SLC27A6: variants seen among roughly 807,000 people sequenced by gnomAD.
The protein encoded by SLC27A6 is long-chain fatty acid transport protein 6.
A neutral mutation model predicts 63.9 loss-of-function variants in SLC27A6; 74 were observed. The observed-to-expected ratio is 1.16, with a 90% CI of 0.96 to 1.40. The LOEUF (loss-of-function observed/expected upper bound fraction) is 1.40. Ranked by LOEUF, SLC27A6 falls within the 40% of genes most tolerant of loss-of-function variation. SLC27A6 has a pLI of 0.00. For synonymous variants in SLC27A6, 287 were observed against 260.8 expected (o/e 1.10, Z -0.97); for missense variants, 794 against 732.9 (o/e 1.08, Z -0.96).
rs895736494 is a variant in SLC27A6 at position 128,985,000 on chromosome 5, A to C, written c.482-133A>C. 4.6e-6 allele frequency: 3 copies of C among 656,524 alleles called. No homozygotes were observed. In the African/African-American group the frequency reaches 5.5e-5, roughly 12 times the overall value. The allele number at this position is 656,524 out of a possible 1,614,324, so 40.7% of individuals were successfully genotyped here. A position where few individuals can be genotyped will look rare whatever the true frequency, so the allele number is the denominator to read the frequency against. ...GGAACCATAAAATGACTGTGATATT[A>C]CTTATCCAACATAAGAAGGAAATCA... On this transcript the variant is annotated intron_variant, in intron 1 of 9. Coordinates refer to ENST00000262462, the MANE Select transcript of SLC27A6 (RefSeq NM_001017372.3).
intron 1 of SLC27A6, among the ~76,000 whole-genome samples, chr5:128,968,656 G>C (rs1409725186): frequency 6.6e-6 from 1 of 152,104 alleles, no homozygotes; most frequent in African/African-American, 2.4e-5. Context: ...GTAGATTCTA[G>C]ATATTAGCCA....
chr5:129,006,126 T>G (rs1030933334), intron 4 of SLC27A6, among the ~76,000 whole-genome samples: 1 of 136,520 alleles, frequency 7.3e-6, no homozygotes, highest in Non-Finnish European at 1.5e-5. Context: ...TTGCCCAGAC[T>G]GGAGTGCAGT....
intron 4 of SLC27A6, among the ~76,000 whole-genome samples, chr5:128,997,500 G>A (rs1389296773): frequency 6.6e-6 from 1 of 152,164 alleles, no homozygotes; most frequent in Non-Finnish European, 1.5e-5. Flanking sequence ...ATAAATAGCT[G>A]TTAGCAGCCT....
At chr5:129,002,797 A>G (rs1366727570) in intron 4 of SLC27A6, among the ~76,000 whole-genome samples, 1 of 152,176 alleles carries the variant, frequency 6.6e-6, no homozygotes, top group Non-Finnish European at 1.5e-5. Context: ...TTCTTCTTTT[A>G]TAGGGTTATT....
chr5:128,976,510 G>C (rs2577426), intron 1 of SLC27A6, among the ~76,000 whole-genome samples: 1 of 151,120 alleles, frequency 6.6e-6, no homozygotes, highest in Non-Finnish European at 1.5e-5. Flanking sequence ...ATGAAACTCC[G>C]TCTCAAACAA....
rs534894582 is a variant in SLC27A6 at position 129,007,313 on chromosome 5, ACGTACCTG to A, written c.970-8571_970-8564del. 2.3e-3 allele frequency among the ~76,000 whole-genome samples: 347 copies of A among 151,866 alleles called. 1 individual carries two copies. The highest frequency in any genetic ancestry group is 8.0e-3 in the African/African-American group (333 of 41,472). ...ACAAAAATTAGCCAGGTGTGGTGGCACGTACCTGTAATCTCAGCTACTTGGGAGGCTGG... is the reference window on the plus strand; with the variant it reads ...ACAAAAATTAGCCAGGTGTGGTGGCATAATCTCAGCTACTTGGGAGGCTGG... On this transcript the variant is annotated intron_variant, in intron 4 of 9. Coordinates refer to ENST00000262462, the MANE Select transcript of SLC27A6 (RefSeq NM_001017372.3).
chr5:129,022,189 A>C lies in SLC27A6; in HGVS notation c.1165-1431A>C, dbSNP rs779771685. ...TTTAATAAACAGTCTTTATATCTAG[A>C]ATAACAATATATTTGCTTTGCTGCC... On this transcript the variant is annotated intron_variant, in intron 5 of 9. Transcript: ENST00000262462. Among the ~76,000 whole-genome samples the C allele has an allele frequency of 1.9e-4, 29 of 152,220 alleles. 1 individual carries two copies. Among genetic ancestry groups the C allele is most frequent in the Non-Finnish European group, 3.5e-4 (24 of 68,050 alleles).
Position 129,023,647 on chromosome 5 carries a change from T to C in SLC27A6, c.1192T>C (p.Tyr398His), listed in dbSNP as rs1752145400. Residue 398 changes from tyrosine (Y) to histidine (H), a missense_variant, in exon 6 of 10, where the codon TAT (tyrosine) becomes CAT (histidine). By Grantham distance (83) the Tyr-to-His change is moderately conservative. Coordinates refer to ENST00000262462, the MANE Select transcript of SLC27A6 (RefSeq NM_001017372.3). ...TCTTTCCACTTTTGACTTAATAAAG[T>C]ATGACTTTCAGAAAGATGAACCCAT... is the stretch of plus-strand genomic sequence containing the variant. ...KLLSTFDLIK[Y>H]DFQKDEPMRN... 6.2e-7 allele frequency: 1 copy of C among 1,608,740 alleles called. No individual in the cohort carries two copies. The highest frequency in any genetic ancestry group is 8.5e-7 in the Non-Finnish European group (1 of 1,177,980).
intron 4 of SLC27A6, among the ~76,000 whole-genome samples, chr5:129,003,391 G>C (rs904974972): frequency 1.3e-5 from 2 of 152,190 alleles, no homozygotes; most frequent in African/African-American, 4.8e-5. Context: ...AACAGTTCCT[G>C]CTCAGGTTTC....
At position 128,966,324 on chromosome 5, in the gene SLC27A6, C is replaced by A; in HGVS notation, c.187C>A (p.His63Asn). The A allele has an allele frequency of 2.5e-6, 4 of 1,614,100 alleles. No homozygotes were observed. Among genetic ancestry groups the A allele is most frequent in the Non-Finnish European group, 3.4e-6 (4 of 1,180,008 alleles). ...LVTVLDKFLS[H>N]AKRQPRKPFI... ...GACTGTGCTGGATAAATTCTTGAGT[C>A]ATGCCAAAAGACAACCTCGGAAACC... is the stretch of plus-strand genomic sequence containing the variant. The change falls in exon 1 of 10, where the codon CAT becomes AAT. Residue 63 changes from histidine to asparagine, a missense_variant. His to Asn is a moderately conservative substitution (Grantham distance 68). Transcript: ENST00000262462.
intron 4 of SLC27A6, among the ~76,000 whole-genome samples, chr5:129,005,968 T>C (rs962874263): frequency 6.6e-6 from 1 of 151,804 alleles, no homozygotes; most frequent in African/African-American, 2.4e-5. Context: ...ATGGCTCAGA[T>C]TGGGCCCCTG....
At chr5:129,016,395 C>CAAAAAAAA (rs759333355) in intron 5 of SLC27A6, among the ~76,000 whole-genome samples, 58 of 64,632 alleles carry the variant, frequency 9.0e-4, no homozygotes, top group East Asian at 5.5e-3. Flanking sequence ...GACTCTGTCT[C>CAAAAAAAA]AAAAAAAAAA....
chr5:128,980,170 C>T lies in SLC27A6; in HGVS notation c.482-4963C>T, dbSNP rs769140629. On this transcript the variant is annotated intron_variant, in intron 1 of 9. Coordinates refer to ENST00000262462, the MANE Select transcript of SLC27A6 (RefSeq NM_001017372.3). ...TGAGCTTGAGCTCATTGTATGTCCTCATCATCATCATCATCATCACAACCA... is the reference window on the plus strand; with the variant it reads ...TGAGCTTGAGCTCATTGTATGTCCTTATCATCATCATCATCATCACAACCA... Among the ~76,000 whole-genome samples, 8 of 152,128 alleles carry T rather than the reference C, an allele frequency of 5.3e-5. No homozygotes were observed. The South Asian group carries it at 1.0e-3, about 20-fold the overall frequency.
intron 4 of SLC27A6, among the ~76,000 whole-genome samples, chr5:128,992,158 C>T (rs867382479): frequency 8.6e-5 from 6 of 69,372 alleles, no homozygotes; most frequent in African/African-American, 4.0e-4. Flanking sequence ...CCTTTGAGAC[C>T]CACCTTTCCT....
Position 128,985,232 on chromosome 5 carries a change from A to G in SLC27A6, c.581A>G (p.Lys194Arg). ...GTTCCACAAGGTGTAATTTCACTCA[A>G]AGAAAAACTGAGCACCTCACCTGAT... ...DSVPQGVISL[K>R]EKLSTSPDEP... The change falls in exon 2 of 10, where the codon AAA becomes AGA. Residue 194 changes from lysine (K) to arginine (R), a missense_variant. Coordinates refer to ENST00000262462, the MANE Select transcript of SLC27A6 (RefSeq NM_001017372.3). 1.2e-6 allele frequency: 2 copies of G among 1,614,044 alleles called. No individual in the cohort carries two copies. The highest frequency in any genetic ancestry group is 1.7e-6 in the Non-Finnish European group (2 of 1,179,966).
chr5:129,008,455 C>T (rs1004758765), intron 4 of SLC27A6, among the ~76,000 whole-genome samples: 4 of 152,162 alleles, frequency 2.6e-5, no homozygotes, highest in African/African-American at 9.7e-5. Context: ...TCAGAGAATG[C>T]CAAGGCATCT....
At chr5:129,030,433 G>A (rs1000629753) in intron 9 of SLC27A6, among the ~76,000 whole-genome samples, 2 of 151,680 alleles carry the variant, frequency 1.3e-5, no homozygotes, top group Admixed American at 1.3e-4. Flanking sequence ...GACTCCTAGA[G>A]GAGCAATAAC....
chr5:128,986,561 CT>C (rs1561615921), intron 2 of SLC27A6, among the ~76,000 whole-genome samples: 1 of 152,004 alleles, frequency 6.6e-6, no homozygotes, highest in Non-Finnish European at 1.5e-5. Flanking sequence ...CCCTTTTAGA[CT>C]GGAGAATATA....
chr5:128,972,993 G>T (rs890348301), intron 1 of SLC27A6, among the ~76,000 whole-genome samples: 3 of 152,312 alleles, frequency 2.0e-5, no homozygotes, highest in Admixed American at 6.5e-5. Context: ...ATTCCTTTCT[G>T]TTTATTAGTT....
Sources: allele counts gnomAD v4.1 joint callset (sites outside exome capture counted in the v4.1 genomes callset), GRCh38; gene constraint gnomAD v4.1.1; transcripts MANE v1.5; gene names NCBI Gene and HGNC (gene_info 2026-07-23, HGNC 2026-07-21).